Variants in MYO16 observed in about 807,000 individuals in gnomAD.
MYO16 encodes the protein myosin XVI, also known as unconventional myosin-XVI.
Under a neutral mutation model 205.3 loss-of-function variants are expected in MYO16, and 94 were observed. The ratio of observed to expected loss-of-function variants is 0.46; its 90% CI spans 0.39 to 0.54. MYO16 has a LOEUF of 0.54. Among genes scored for constraint, MYO16 ranks in the 20% least tolerant of loss-of-function variants. MYO16 has a pLI of 0.00. For synonymous variants in MYO16, 988 were observed against 954.0 expected, an observed-to-expected ratio of 1.04 and a Z score of -0.66; for missense variants, 2,315 against 2,387.5, an observed-to-expected ratio of 0.97 and a Z score of 0.63.
In MYO16 at chr13:108,676,398, TG is replaced by T. The variant is rs1222116416; in HGVS notation, c.292+10250del. On this transcript the variant is annotated intron_variant, in intron 2 of 34. Coordinates refer to ENST00000457511, the MANE Select transcript of MYO16 (RefSeq NM_001198950.3). Reference sequence around the variant, plus strand: ...GTGTGTGTGTGTGTGTGTGTGTGTGTGTGTGTGTGCCAGCCATCTCTCTAAA... The same window carrying T: ...GTGTGTGTGTGTGTGTGTGTGTGTGTTGTGTGTGCCAGCCATCTCTCTAAA... Among the ~76,000 whole-genome samples the T allele has an allele frequency of 3.8e-3, 559 of 147,698 alleles. 5 individuals carry two copies. Among genetic ancestry groups the T allele is most frequent in the Non-Finnish European group, 5.5e-3 (368 of 66,964 alleles).
chr13:109,054,316 T>C (rs1255607934), intron 25 of MYO16: 3 of 405,270 alleles, frequency 7.4e-6, no homozygotes, highest in Non-Finnish European at 1.5e-5. Context: ...ATAGGTAATT[T>C]AGTAACCTTT....
At chr13:108,589,378 G>T in the MYO16 span, among the ~76,000 whole-genome samples, 1 of 152,056 alleles carries the variant, frequency 6.6e-6, no homozygotes, top group African/African-American at 2.4e-5. Flanking sequence ...TCCCAGTATA[G>T]CCCTTGATGT....
At chr13:108,785,792 G>A (rs1227045900) in intron 5 of MYO16, 49 bp downstream of exon 5, 5 of 1,187,994 alleles carry the variant, frequency 4.2e-6, no homozygotes, top group African/African-American at 1.5e-5. Context: ...TGGGAGAATT[G>A]TAAGTGTGTA....
At chr13:108,685,887 G>C (rs1882657414) in intron 2 of MYO16, among the ~76,000 whole-genome samples, 1 of 152,088 alleles carries the variant, frequency 6.6e-6, no homozygotes, top group African/African-American at 2.4e-5. Context: ...TATTTGTGAG[G>C]GCACCAGGTA....
At chr13:108,893,725 C>T (rs1456157339) in intron 14 of MYO16, among the ~76,000 whole-genome samples, 2 of 152,106 alleles carry the variant, frequency 1.3e-5, no homozygotes, top group African/African-American at 4.8e-5. Flanking sequence ...TGGAATATCA[C>T]ACAGGCCATC....
intron 22 of MYO16, among the ~76,000 whole-genome samples, chr13:109,017,842 G>A (rs376975390): frequency 1.3e-5 from 2 of 151,474 alleles, no homozygotes; most frequent in African/African-American, 4.9e-5. Flanking sequence ...CTCTACACTG[G>A]TTATTCTAGT....
intron 23 of MYO16, among the ~76,000 whole-genome samples, chr13:109,021,717 C>T (rs1389621790): frequency 1.3e-5 from 2 of 151,992 alleles, no homozygotes; most frequent in Admixed American, 6.6e-5. Context: ...GTAGAAAGGG[C>T]GGTAGGTGAC....
In MYO16 at chr13:109,127,241, C is replaced by T. The variant is rs760143268; in HGVS notation, c.3783-41C>T. ...TGTTACCGGAATAATGCATCTGGGC[C>T]TCTCTGGCGTGGTGCTGTTTGTGTT... On this transcript the variant is annotated intron_variant, in intron 30 of 34. Coordinates refer to ENST00000457511, the MANE Select transcript of MYO16 (RefSeq NM_001198950.3). The surrounding 1 kb of genome is among the most constrained non-coding windows in gnomAD (Gnocchi z 4.2). 6 of 1,528,192 alleles carry T rather than the reference C, an allele frequency of 3.9e-6. No homozygotes were observed. The highest frequency in any genetic ancestry group is 1.3e-5 in the South Asian group (1 of 78,906). The allele number at this position is 1,528,192 out of a possible 1,614,324, so 94.7% of individuals were successfully genotyped here. A position where few individuals can be genotyped will look rare whatever the true frequency, so the allele number is the denominator to read the frequency against.
intron 27 of MYO16, chr13:109,056,018 A>C (rs2139613912): frequency 6.3e-6 from 1 of 159,402 alleles, no homozygotes; most frequent in East Asian, 1.8e-4. Flanking sequence ...CCAGCCTACC[A>C]CCTGTTTTTG....
chr13:108,584,139 G>C, the MYO16 span, among the ~76,000 whole-genome samples: 1 of 151,992 alleles, frequency 6.6e-6, no homozygotes, highest in South Asian at 2.1e-4. Flanking sequence ...ATTTTTAGTA[G>C]AGACGAGTTT....
intron 15 of MYO16, among the ~76,000 whole-genome samples, chr13:108,903,436 G>A (rs937242219): frequency 1.3e-5 from 2 of 152,108 alleles, no homozygotes; most frequent in Non-Finnish European, 2.9e-5. Context: ...GAAGGTAAAG[G>A]GTGACTACTG....
At chr13:108,703,193 C>G (rs1461571926) in intron 2 of MYO16, among the ~76,000 whole-genome samples, 1 of 152,016 alleles carries the variant, frequency 6.6e-6, no homozygotes, top group Non-Finnish European at 1.5e-5. Flanking sequence ...CTATTGGATT[C>G]AAAGACACAA....
intron 14 of MYO16, among the ~76,000 whole-genome samples, chr13:108,893,237 A>AT (rs1283539392): frequency 6.6e-6 from 1 of 152,180 alleles, no homozygotes; most frequent in African/African-American, 2.4e-5. Flanking sequence ...CATTGAATAC[A>AT]TTTTTTAATT....
intron 27 of MYO16, among the ~76,000 whole-genome samples, chr13:109,089,363 G>A (rs976584593): frequency 2.0e-4 from 30 of 151,984 alleles, no homozygotes; most frequent in South Asian, 6.3e-4. Flanking sequence ...ACAGGTGCCC[G>A]CCACCATGCC....
chr13:108,498,287 G>A, the MYO16 span, among the ~76,000 whole-genome samples: 20 of 152,300 alleles, frequency 1.3e-4, no homozygotes, highest in African/African-American at 4.8e-4. Flanking sequence ...TCTACCCCAA[G>A]TGAAGGCGAA....
rs1335089496 is a variant in MYO16, at chr13:109,098,991, T to C, written c.3336-1794T>C. Among the ~76,000 whole-genome samples the C allele has an allele frequency of 2.6e-5, 4 of 152,326 alleles. No homozygotes were observed. In the East Asian group the frequency reaches 7.7e-4, roughly 29 times the overall value. Reference sequence around the variant, plus strand: ...CAAATGTCAAACGACCCTAGAATGTTCGACCTTGAGTTCTTTGGCAACTTC... The same window carrying C: ...CAAATGTCAAACGACCCTAGAATGTCCGACCTTGAGTTCTTTGGCAACTTC... On this transcript the variant is annotated intron_variant, in intron 27 of 34. Coordinates refer to ENST00000457511, the MANE Select transcript of MYO16 (RefSeq NM_001198950.3).
At position 109,062,811 on chromosome 13, in the gene MYO16, A is replaced by T. The variant is rs563235444; in HGVS notation, c.3335+7216A>T. 6.3e-3 allele frequency among the ~76,000 whole-genome samples: 965 copies of T among 152,284 alleles called. 10 individuals are homozygous for T. Among genetic ancestry groups the T allele is most frequent in the African/African-American group, 0.022 (904 of 41,572 alleles). ...GGCAATGGAAACATCATTATAAAAA[A>T]CAAAGCCTTGAGGTGTAATTTAATA... On this transcript the variant is annotated intron_variant, in intron 27 of 34. Transcript: ENST00000457511.
intron 29 of MYO16, among the ~76,000 whole-genome samples, chr13:109,121,473 C>A (rs1044667769): frequency 6.6e-6 from 1 of 152,240 alleles, no homozygotes; most frequent in African/African-American, 2.4e-5. Context: ...CCTTCTCTAA[C>A]TGGCAACATC....
At chr13:108,911,354 A>G (rs1881257647) in intron 16 of MYO16, among the ~76,000 whole-genome samples, 1 of 152,286 alleles carries the variant, frequency 6.6e-6, no homozygotes, top group East Asian at 1.9e-4. Context: ...GTTGGGGAAC[A>G]GAGGAGCAGG....
Sources: gnomAD v4.1 joint callset for allele counts (sites outside exome capture counted in the v4.1 genomes callset) on GRCh38, gnomAD v4.1.1 for gene constraint, Gnocchi (gnomAD v3.1) non-coding constraint, MANE v1.5 for transcripts, NCBI Gene and HGNC (gene_info 2026-07-23, HGNC 2026-07-21) for gene names.